LRRC28: variants seen among roughly 807,000 people sequenced by gnomAD.
LRRC28 encodes the protein leucine-rich repeat-containing protein 28.
Under a neutral mutation model 45.7 loss-of-function variants are expected in LRRC28, and 39 were observed. That is an observed-to-expected ratio of 0.85 (90% CI 0.66 to 1.12). LRRC28 has a LOEUF of 1.12. LRRC28 is among the 50% of genes most tolerant of loss of function. The pLI is 0.00. For synonymous variants in LRRC28, 206 were observed against 178.8 expected, an observed-to-expected ratio of 1.15 and a Z score of -1.22; for missense variants, 435 against 438.5, an observed-to-expected ratio of 0.99 and a Z score of 0.07.
At chr15:99,359,706 A>G (rs1957145358) in intron 7 of LRRC28, among the ~76,000 whole-genome samples, 1 of 152,234 alleles carries the variant, frequency 6.6e-6, no homozygotes, top group Non-Finnish European at 1.5e-5. Context: ...GTAGGAGAGA[A>G]AACATTGAAA....
chr15:99,260,026 A>G, intron 2 of LRRC28: 1 of 579,436 alleles, frequency 1.7e-6, no homozygotes. Context: ...TGTAAATTAT[A>G]CTCTCATCGT....
intron 3 of LRRC28, among the ~76,000 whole-genome samples, chr15:99,284,172 C>T (rs145137894): frequency 2.2e-4 from 33 of 152,254 alleles, no homozygotes; most frequent in Non-Finnish European, 4.1e-4. Context: ...GGTTGTACAT[C>T]AGGATTATTT....
chr15:99,269,136 G>A (rs906323730), intron 2 of LRRC28, among the ~76,000 whole-genome samples: 3 of 152,022 alleles, frequency 2.0e-5, no homozygotes, highest in African/African-American at 7.2e-5. Flanking sequence ...CAGTCTTGAT[G>A]TTTGTTTTAC....
intron 2 of LRRC28, among the ~76,000 whole-genome samples, chr15:99,273,522 C>A (rs760077802): frequency 2.0e-5 from 3 of 151,730 alleles, no homozygotes; most frequent in Non-Finnish European, 2.9e-5. Context: ...CAGGCGTGAG[C>A]CACCGTGCCC....
chr15:99,257,936 A>C (rs1567599385), intron 2 of LRRC28: 4 of 772,176 alleles, frequency 5.2e-6, no homozygotes, highest in Non-Finnish European at 4.8e-6. Context: ...TTTTCCTTAG[A>C]GAACTGATTC....
At chr15:99,257,570 T>G (rs1597145457) in intron 2 of LRRC28, 1 of 530,052 alleles carries the variant, frequency 1.9e-6, no homozygotes, top group Admixed American at 3.0e-5. Context: ...AACCCGGGGG[T>G]GAGAGGGTGG....
intron 5 of LRRC28, among the ~76,000 whole-genome samples, chr15:99,309,700 C>T (rs1955333082): frequency 6.6e-6 from 1 of 152,168 alleles, no homozygotes; most frequent in Admixed American, 6.6e-5. Context: ...AACCACCACG[C>T]CCACTGGGAA....
chr15:99,278,071 G>T (rs1269045816), intron 3 of LRRC28, among the ~76,000 whole-genome samples: 1 of 152,072 alleles, frequency 6.6e-6, no homozygotes, highest in Non-Finnish European at 1.5e-5. Flanking sequence ...TTTCATGATA[G>T]ATTCTCTATA....
intron 1 of LRRC28, among the ~76,000 whole-genome samples, chr15:99,255,041 T>C (rs1490513654): frequency 6.6e-6 from 1 of 152,230 alleles, no homozygotes; most frequent in Non-Finnish European, 1.5e-5. Flanking sequence ...ATTTCTTTGA[T>C]GCCTCTGATA....
intron 6 of LRRC28, among the ~76,000 whole-genome samples, chr15:99,341,083 CTTTTTT>C (rs528372394): frequency 0.022 from 2,218 of 100,330 alleles, 21 homozygotes; most frequent in African/African-American, 0.077. Flanking sequence ...ATTCTACTGT[CTTTTTT>C]TTTTTTTTTT....
Position 99,387,067 on chromosome 15 carries a change from TTTG to T in LRRC28, c.*975_*977del. 0.025 allele frequency: 3,736 copies of T among 150,356 alleles called. 71 individuals carry two copies. Among genetic ancestry groups the T allele is most frequent in the East Asian group, 0.085 (435 of 5,090 alleles). The allele number at this position is 150,356 out of a possible 1,614,324, so 9.3% of individuals were successfully genotyped here. ...CAGCTACTTCCACTACTGGTTTTTT[TTTG>T]TTGTTGTTGAGACGGAGTCTCGCTC... On this transcript the variant is annotated 3_prime_UTR_variant, in exon 10 of 10. Transcript: ENST00000301981.
intron 5 of LRRC28, among the ~76,000 whole-genome samples, chr15:99,308,284 T>C (rs1220445264): frequency 1.3e-5 from 2 of 152,176 alleles, no homozygotes; most frequent in Non-Finnish European, 2.9e-5. Context: ...TGATTCTCAG[T>C]AGTGTTTTTT....
chr15:99,285,092 T>C, intron 3 of LRRC28: 1 of 697,146 alleles, frequency 1.4e-6, no homozygotes, highest in Non-Finnish European at 2.7e-6. Context: ...TATTTCTGAG[T>C]GACAGTCTTA....
At chr15:99,377,428 G>C (rs965470563) in intron 9 of LRRC28, among the ~76,000 whole-genome samples, 1 of 152,182 alleles carries the variant, frequency 6.6e-6, no homozygotes, top group Non-Finnish European at 1.5e-5. Context: ...GTTCTTTGTA[G>C]ATTCTGGATG....
At chr15:99,255,788 TATTA>T (rs1194140148) in intron 1 of LRRC28, 106 bp from the exon 2 acceptor site, 9 of 535,370 alleles carry the variant, frequency 1.7e-5, no homozygotes, top group South Asian at 3.5e-5. Context: ...GGATTGAATG[TATTA>T]ATTATTTTTT....
chr15:99,269,861 A>C (rs1165371719), intron 2 of LRRC28, among the ~76,000 whole-genome samples: 1 of 152,210 alleles, frequency 6.6e-6, no homozygotes, highest in Non-Finnish European at 1.5e-5. Flanking sequence ...AAGGAAAATG[A>C]GTAATTATTA....
chr15:99,380,289 T>A (rs911630838), intron 9 of LRRC28, among the ~76,000 whole-genome samples: 2 of 152,234 alleles, frequency 1.3e-5, no homozygotes, highest in Non-Finnish European at 2.9e-5. Context: ...TACCATTATG[T>A]AATGGCCTTC....
chr15:99,283,615 C>CAA lies in LRRC28; in HGVS notation c.210-3623_210-3622dup, dbSNP rs59399248. Among the ~76,000 whole-genome samples the CAA allele has an allele frequency of 6.4e-3, 569 of 89,296 alleles. 10 individuals carry two copies. The highest frequency in any genetic ancestry group is 0.021 in the East Asian group (65 of 3,164). 58.6% of individuals were successfully genotyped at this position (89,296 alleles called of 152,430 possible). The stretch of plus-strand genomic sequence containing the variant: ...TGGACGACAGAGGGAGACTCCTTCT[C>CAA]AAAAAAAAAAAAAAAAAAAAGGAAT... On this transcript the variant is annotated intron_variant, in intron 3 of 9. Coordinates refer to ENST00000301981, the MANE Select transcript of LRRC28 (RefSeq NM_144598.5).
intron 2 of LRRC28, among the ~76,000 whole-genome samples, chr15:99,276,358 C>T (rs1391353492): frequency 6.6e-6 from 1 of 151,866 alleles, no homozygotes; most frequent in Admixed American, 6.6e-5. Context: ...TGTTGGGGAC[C>T]GCTGCTCTAA....
Sources: gnomAD v4.1 joint callset for allele counts (sites outside exome capture counted in the v4.1 genomes callset) on GRCh38, gnomAD v4.1.1 for gene constraint, MANE v1.5 for transcripts, NCBI Gene and HGNC (gene_info 2026-07-23, HGNC 2026-07-21) for gene names.